The following ZNF423 variants were observed in gnomAD, a reference collection of about 807,000 sequenced individuals.
ZNF423 encodes the protein zinc finger protein 423.
ZNF423 carries 12 observed loss-of-function variants against 95.8 expected under a neutral mutation model. That is an observed-to-expected ratio of 0.13 (90% CI 0.08 to 0.20). The LOEUF (loss-of-function observed/expected upper bound fraction) is 0.20, where lower values mean the gene tolerates loss of function less well. Among genes scored for constraint, ZNF423 ranks in the 10% least tolerant of loss-of-function variants. The pLI, the probability that ZNF423 is intolerant of heterozygous loss-of-function variation, is 1.00. For missense variants in ZNF423, 1,316 were observed against 1,737.1 expected (o/e 0.76, Z 4.31); for synonymous variants, 749 against 711.9 (o/e 1.05, Z -0.83).
At chr16:49,516,055 C>T (rs777767401) in intron 7 of ZNF423, among the ~76,000 whole-genome samples, 5 of 152,224 alleles carry the variant, frequency 3.3e-5, no homozygotes, top group Non-Finnish European at 5.9e-5. Flanking sequence ...CCACGGCGCC[C>T]GGACGTGGCT....
At chr16:49,846,299 C>CAAAAA (rs11338195) in intron 1 of ZNF423, among the ~76,000 whole-genome samples, 5 of 76,364 alleles carry the variant, frequency 6.5e-5, no homozygotes, top group Admixed American at 1.5e-4. Flanking sequence ...GACTCTGTCT[C>CAAAAA]AAAAAAAAAA....
At chr16:49,642,133 T>G (rs1323722760) in intron 3 of ZNF423, among the ~76,000 whole-genome samples, 1 of 152,256 alleles carries the variant, frequency 6.6e-6, no homozygotes, top group Non-Finnish European at 1.5e-5. Context: ...GTGCCAGCAC[T>G]GTGCTAAGTA....
chr16:49,849,705 G>C (rs78023363), intron 1 of ZNF423, among the ~76,000 whole-genome samples: 4 of 152,044 alleles, frequency 2.6e-5, no homozygotes, highest in Admixed American at 2.0e-4. Context: ...AAAAAAGAAA[G>C]AAAACGAAAC....
intron 2 of ZNF423, among the ~76,000 whole-genome samples, chr16:49,771,769 C>T (rs1458024071): frequency 6.6e-6 from 1 of 152,142 alleles, no homozygotes; most frequent in African/African-American, 2.4e-5. Context: ...ACTGTAAGGC[C>T]ATTAAACCTC....
chr16:49,639,353 A>T (rs1159848125), intron 3 of ZNF423, among the ~76,000 whole-genome samples: 2 of 152,222 alleles, frequency 1.3e-5, no homozygotes, highest in East Asian at 3.8e-4. Flanking sequence ...GAACACAGGC[A>T]AAATTTTGCA....
chr16:49,595,091 C>T (rs1050999314), intron 5 of ZNF423, among the ~76,000 whole-genome samples: 2 of 152,190 alleles, frequency 1.3e-5, no homozygotes, highest in Non-Finnish European at 2.9e-5. Flanking sequence ...CCCAACAGCA[C>T]GATCTGCGTC....
intron 3 of ZNF423, among the ~76,000 whole-genome samples, chr16:49,696,088 G>T (rs1201581870): frequency 6.6e-6 from 1 of 152,146 alleles, no homozygotes; most frequent in Non-Finnish European, 1.5e-5. Context: ...CCGTAAAATG[G>T]GAACCCATGC....
chr16:49,720,742 T>C (rs901787717), intron 3 of ZNF423, among the ~76,000 whole-genome samples: 9 of 152,252 alleles, frequency 5.9e-5, no homozygotes, highest in Non-Finnish European at 1.2e-4. Context: ...TACTACTTCC[T>C]GTTTGTCTGC....
chr16:49,658,735 G>A (rs1313720999), intron 3 of ZNF423, among the ~76,000 whole-genome samples: 1 of 152,250 alleles, frequency 6.6e-6, no homozygotes, highest in East Asian at 1.9e-4. Context: ...GCTGTGGCAG[G>A]GCATTCCCCT....
chr16:49,517,158 C>T (rs1054054380), intron 7 of ZNF423, among the ~76,000 whole-genome samples: 2 of 152,120 alleles, frequency 1.3e-5, no homozygotes, highest in African/African-American at 2.4e-5. Flanking sequence ...CACTTGGCTC[C>T]GGGAATAGGG....
At chr16:49,660,636 A>G (rs1441718554) in intron 3 of ZNF423, among the ~76,000 whole-genome samples, 1 of 152,166 alleles carries the variant, frequency 6.6e-6, no homozygotes, top group African/African-American at 2.4e-5. Context: ...GCAGAATGCA[A>G]TTACTCCAGT....
At chr16:49,584,195 T>C (rs1970751458) in intron 5 of ZNF423, among the ~76,000 whole-genome samples, 1 of 152,208 alleles carries the variant, frequency 6.6e-6, no homozygotes, top group Non-Finnish European at 1.5e-5. Flanking sequence ...AAGAGGCCTC[T>C]GTGGAGCCCA....
At chr16:49,588,735 A>G (rs1017593569) in intron 5 of ZNF423, among the ~76,000 whole-genome samples, 1 of 152,230 alleles carries the variant, frequency 6.6e-6, no homozygotes, top group Non-Finnish European at 1.5e-5. Flanking sequence ...CAAATCCTAT[A>G]TCTTTTAAAA....
chr16:49,599,464 A>G (rs538868050), intron 5 of ZNF423, among the ~76,000 whole-genome samples: 93 of 152,318 alleles, frequency 6.1e-4, no homozygotes, highest in African/African-American at 2.2e-3. Context: ...AGACTCAGAG[A>G]GGTTAAGGAA....
intron 5 of ZNF423, among the ~76,000 whole-genome samples, chr16:49,537,011 C>T (rs1054693076): frequency 6.6e-6 from 1 of 152,248 alleles, no homozygotes; most frequent in Non-Finnish European, 1.5e-5. Context: ...ATGAAGAACA[C>T]CTCAGCCCTT....
At chr16:49,581,258 G>A (rs1970666895) in intron 5 of ZNF423, among the ~76,000 whole-genome samples, 1 of 152,114 alleles carries the variant, frequency 6.6e-6, no homozygotes, top group Non-Finnish European at 1.5e-5. Context: ...TGGGAGCGGA[G>A]AGTTTACTGT....
intron 3 of ZNF423, among the ~76,000 whole-genome samples, chr16:49,676,532 CA>C (rs2031055962): frequency 1.3e-5 from 2 of 152,302 alleles, no homozygotes; most frequent in African/African-American, 4.8e-5. Flanking sequence ...TGGAGTAGGT[CA>C]ATCCTGCCCT....
At position 49,847,997 on chromosome 16, in the gene ZNF423, G is replaced by A. The variant is rs113546808; in HGVS notation, c.40+7738C>T. On this transcript the variant is annotated intron_variant, in intron 1 of 7. Transcript: ENST00000563137. The stretch of plus-strand genomic sequence containing the variant: ...AATTAGCCTGTAGTTCTAGCTACTC[G>A]GGAGACTGAGGTGAGAGGACTGCTT... Among the ~76,000 whole-genome samples, 104 of 152,114 alleles carry A rather than the reference G, an allele frequency of 6.8e-4. 1 individual carries two copies. The highest frequency in any genetic ancestry group is 2.2e-3 in the African/African-American group (90 of 41,488).
At chr16:49,794,692 C>T (rs762139162) in intron 1 of ZNF423, among the ~76,000 whole-genome samples, 3 of 152,188 alleles carry the variant, frequency 2.0e-5, no homozygotes, top group Non-Finnish European at 2.9e-5. Context: ...CCAGACCTGA[C>T]CTTGCAGGGC....
Sources: allele counts gnomAD v4.1 joint callset (sites outside exome capture counted in the v4.1 genomes callset), GRCh38; gene constraint gnomAD v4.1.1; transcripts MANE v1.5; gene names NCBI Gene and HGNC (gene_info 2026-07-23, HGNC 2026-07-21).